The following DYDC2 variants were observed in gnomAD, a reference collection of about 807,000 sequenced individuals.
DYDC2 encodes DPY30 domain containing 2.
Under a neutral mutation model 18.7 loss-of-function variants are expected in DYDC2, and 19 were observed. That is an observed-to-expected ratio of 1.02 (90% CI 0.71 to 1.49). The LOEUF is 1.49. DYDC2 is among the 40% of genes most tolerant of loss of function. The pLI is 0.00. For synonymous variants in DYDC2, 63 were observed against 67.6 expected (o/e 0.93, Z 0.34); for missense variants, 179 against 205.1 (o/e 0.87, Z 0.78).
intron 2 of DYDC2, among the ~76,000 whole-genome samples, chr10:80,361,203 A>T (rs942938588): frequency 1.3e-5 from 2 of 151,930 alleles, no homozygotes; most frequent in East Asian, 3.9e-4. Flanking sequence ...TTAAGAGTAC[A>T]GGGTAGTTGC....
At chr10:80,359,278 G>T (rs1242880909) in intron 2 of DYDC2, among the ~76,000 whole-genome samples, 1 of 152,124 alleles carries the variant, frequency 6.6e-6, no homozygotes, top group Non-Finnish European at 1.5e-5. Context: ...GCACTGATTG[G>T]TGCATTTACA....
upstream of DYDC2, chr10:80,354,258 G>T (rs979785658): frequency 7.3e-5 from 11 of 151,626 alleles, no homozygotes; most frequent in African/African-American, 2.4e-4. Flanking sequence ...AGGCTGAGGT[G>T]GGTGGATCAC....
chr10:80,363,184 C>A, intron 4 of DYDC2, 111 bp downstream of exon 4: 1 of 1,131,464 alleles, frequency 8.8e-7, no homozygotes, highest in Non-Finnish European at 1.2e-6. Context: ...GTCCCTTTAG[C>A]TTGATTTTCA....
chr10:80,352,815 T>C, upstream of DYDC2: 1 of 475,484 alleles, frequency 2.1e-6, no homozygotes, highest in Non-Finnish European at 3.3e-6. Flanking sequence ...ACAACTAACA[T>C]GGTTTCAAAA....
upstream of DYDC2, chr10:80,351,950 T>G: frequency 6.2e-7 from 1 of 1,614,152 alleles, no homozygotes; most frequent in East Asian, 2.2e-5. Flanking sequence ...CATTTCCTGC[T>G]CCATCAGAGC....
chr10:80,347,509 C>CA (rs1468861812), intron 1 of DYDC2, among the ~76,000 whole-genome samples: 1 of 152,040 alleles, frequency 6.6e-6, no homozygotes, highest in Non-Finnish European at 1.5e-5. Context: ...GTGTCATACC[C>CA]AAAAAATTAT....
intron 1 of DYDC2, among the ~76,000 whole-genome samples, chr10:80,348,898 C>T (rs911254278): frequency 2.0e-5 from 3 of 148,680 alleles, no homozygotes; most frequent in African/African-American, 7.4e-5. Context: ...AGCAGATAAA[C>T]TTTTTTTTTT....
chr10:80,356,488 G>A (rs1843375368), upstream of DYDC2: 1 of 985,212 alleles, frequency 1.0e-6, no homozygotes, highest in Non-Finnish European at 1.2e-6. Flanking sequence ...AGTCTGGAAG[G>A]GTCTCCCGCA....
intron 1 of DYDC2, among the ~76,000 whole-genome samples, chr10:80,349,745 A>T (rs1842878788): frequency 6.6e-6 from 1 of 152,204 alleles, no homozygotes; most frequent in African/African-American, 2.4e-5. Flanking sequence ...GCTTCTTGAC[A>T]TTTTCAAGAA....
rs1001049407 is a variant in DYDC2, at chr10:80,357,955, C to T, written c.-100C>T. ...ACAAAGACAACCCCTATTCTTATCA[C>T]CTTGCCTACTGAGTGCAAGTCCAGG... On this transcript the variant is annotated 5_prime_UTR_variant, in exon 2 of 5. Transcript: ENST00000256039. 4.1e-6 allele frequency: 4 copies of T among 985,050 alleles called. No homozygotes were observed. Among genetic ancestry groups the T allele is most frequent in the Admixed American group, 1.2e-4 (2 of 16,286 alleles). The allele number at this position is 985,050 out of a possible 1,614,324, so 61.0% of individuals were successfully genotyped here.
Position 80,351,618 on chromosome 10 carries a change from C to T in DYDC2, c.-309-4679C>T, listed in dbSNP as rs1009435119. Among the ~76,000 whole-genome samples, 7 of 152,246 alleles carry T rather than the reference C, an allele frequency of 4.6e-5. 1 individual carries two copies. The highest frequency in any genetic ancestry group is 1.9e-4 in the East Asian group (1 of 5,180). ...CAGTCTTTCCCTTTGCCTTCTGTGACAGCACACTCTGTATTTTCCTCTTAC... is the reference window on the plus strand; with the variant it reads ...CAGTCTTTCCCTTTGCCTTCTGTGATAGCACACTCTGTATTTTCCTCTTAC... On this transcript the variant is annotated intron_variant, in intron 1 of 4. Coordinates refer to the DYDC2 transcript ENST00000372197.
chr10:80,356,905 G>C lies in DYDC2; in HGVS notation c.-163+80G>C, dbSNP rs1441821314. 5 of 962,926 alleles carry C rather than the reference G, an allele frequency of 5.2e-6. No individual in the cohort carries two copies. In the East Asian group the frequency reaches 5.9e-4, roughly 113 times the overall value. 59.6% of individuals were successfully genotyped at this position (962,926 alleles called of 1,614,324 possible). A position where few individuals can be genotyped will look rare whatever the true frequency, so the allele number is the denominator to read the frequency against. ...AGGGCGTGCAGGAGTAGGAGCAGGC[G>C]GCAGAGTAGAGGGGGCGCGGCAGAG... On this transcript the variant is annotated intron_variant, in intron 1 of 4. Coordinates refer to ENST00000256039, the MANE Select transcript of DYDC2 (RefSeq NM_032372.6).
upstream of DYDC2, chr10:80,351,885 C>A: frequency 3.1e-6 from 5 of 1,613,546 alleles, no homozygotes; most frequent in Non-Finnish European, 4.2e-6. Context: ...CCTCTGAACT[C>A]TCCTACTTGC....
chr10:80,353,217 T>G (rs1023320416), upstream of DYDC2, among the ~76,000 whole-genome samples: 1 of 151,978 alleles, frequency 6.6e-6, no homozygotes, highest in African/African-American at 2.4e-5. Flanking sequence ...TAATAACATA[T>G]GAAGCTCCTC....
At position 80,362,579 on chromosome 10, in the gene DYDC2, G is replaced by C. The variant is rs1358635388; in HGVS notation, c.136G>C (p.Ala46Pro). 1.9e-6 allele frequency: 3 copies of C among 1,610,732 alleles called. No individual in the cohort carries two copies. The highest frequency in any genetic ancestry group is 1.1e-5 in the South Asian group (1 of 90,780). The change falls in exon 3 of 5, where the codon GCA becomes CCA. Residue 46 changes from alanine to proline, a missense_variant. By Grantham distance (27) the Ala-to-Pro change is conservative. Coordinates refer to ENST00000256039, the MANE Select transcript of DYDC2 (RefSeq NM_032372.6). ...WLYHYRKTAK[A>P]KEENREKKIH... Reference sequence around the variant, plus strand: ...TTATCATTACAGGAAAACAGCAAAAGCAAAAGAAGAGGTGTGTATGTGCAC... The same window carrying C: ...TTATCATTACAGGAAAACAGCAAAACCAAAAGAAGAGGTGTGTATGTGCAC...
At chr10:80,352,486 T>C, upstream of DYDC2, 2 of 1,611,342 alleles carry the variant, frequency 1.2e-6, no homozygotes, top group Non-Finnish European at 8.5e-7. Flanking sequence ...TTCCTTATAC[T>C]TGTAAATCCA....
At chr10:80,360,026 G>A (rs534841198) in intron 2 of DYDC2, among the ~76,000 whole-genome samples, 1 of 152,338 alleles carries the variant, frequency 6.6e-6, no homozygotes, top group South Asian at 2.1e-4. Flanking sequence ...CTGCCAGCAC[G>A]CTGTCACCTC....
chr10:80,363,824 T>C (rs1403170991), intron 4 of DYDC2, among the ~76,000 whole-genome samples: 1 of 152,260 alleles, frequency 6.6e-6, no homozygotes, highest in African/African-American at 2.4e-5. Context: ...ATATTCTATT[T>C]ACTTTTCTGT....
chr10:80,350,465 C>T (rs1842920569), intron 1 of DYDC2, among the ~76,000 whole-genome samples: 1 of 152,164 alleles, frequency 6.6e-6, no homozygotes, highest in Non-Finnish European at 1.5e-5. Context: ...CTGCAGGAAG[C>T]ACCTGGCCTG....
Sources: allele counts gnomAD v4.1 joint callset (sites outside exome capture counted in the v4.1 genomes callset), GRCh38; gene constraint gnomAD v4.1.1; transcripts MANE v1.5; gene names NCBI Gene and HGNC (gene_info 2026-07-23, HGNC 2026-07-21).